Variants in SLCO5A1 observed in about 807,000 individuals in gnomAD.
SLCO5A1 encodes solute carrier organic anion transporter family member 5A1.
In SLCO5A1, 39 loss-of-function variants were observed where a neutral mutation model predicts 65.1. That is an observed-to-expected ratio of 0.60 (90% CI 0.46 to 0.78). The LOEUF is 0.78. SLCO5A1 is among the 30% of genes least tolerant of loss of function. The probability of loss-of-function intolerance (pLI) is 0.00; values close to 1 mark genes in which losing one functional copy is unlikely to be tolerated. For missense variants in SLCO5A1, 1,029 were observed against 1,069.4 expected (o/e 0.96, Z 0.53); for synonymous variants, 438 against 415.7 (o/e 1.05, Z -0.65).
At position 69,776,981 on chromosome 8, in the gene SLCO5A1, C is replaced by T. The variant is rs1395413131; in HGVS notation, c.908-15106G>A. Among the ~76,000 whole-genome samples, 4 of 152,296 alleles carry T rather than the reference C, an allele frequency of 2.6e-5. 1 individual carries two copies. The highest frequency in any genetic ancestry group is 9.6e-5 in the African/African-American group (4 of 41,566). ...TAGTGGGAATGTAAAATTGGTACAA[C>T]CACTTTGGAGAACATTTCAGTAGTG... On this transcript the variant is annotated intron_variant, in intron 2 of 9. Coordinates refer to ENST00000260126, the MANE Select transcript of SLCO5A1 (RefSeq NM_030958.3).
chr8:69,801,367 G>T (rs1819728596), intron 2 of SLCO5A1, among the ~76,000 whole-genome samples: 1 of 152,144 alleles, frequency 6.6e-6, no homozygotes, highest in African/African-American at 2.4e-5. Context: ...TAAAATCCAA[G>T]AGTCTTTTTT....
chr8:69,729,482 A>G (rs890217688), intron 5 of SLCO5A1, among the ~76,000 whole-genome samples: 8 of 148,692 alleles, frequency 5.4e-5, no homozygotes, highest in African/African-American at 2.0e-4. Context: ...AGATAACTGC[A>G]ATGGAGTAAA....
chr8:69,802,494 A>G (rs1267924241), intron 2 of SLCO5A1, among the ~76,000 whole-genome samples: 2 of 150,632 alleles, frequency 1.3e-5, no homozygotes, highest in Non-Finnish European at 3.0e-5. Context: ...TGAGCAACAG[A>G]GCAAGACCCT....
intron 4 of SLCO5A1, among the ~76,000 whole-genome samples, chr8:69,742,921 C>G (rs1200627161): frequency 6.6e-6 from 1 of 151,392 alleles, no homozygotes. Context: ...CTGCCTCAGC[C>G]TCCCAAGTAG....
At chr8:69,732,045 T>G (rs941653921) in intron 5 of SLCO5A1, among the ~76,000 whole-genome samples, 1 of 152,228 alleles carries the variant, frequency 6.6e-6, no homozygotes, top group African/African-American at 2.4e-5. Flanking sequence ...GTTGATGCCC[T>G]TAGAAGAATG....
intron 6 of SLCO5A1, among the ~76,000 whole-genome samples, chr8:69,684,841 A>G (rs1180291958): frequency 6.6e-6 from 1 of 152,152 alleles, no homozygotes; most frequent in African/African-American, 2.4e-5. Flanking sequence ...TTTTGCCTGC[A>G]TCACTACAAT....
intron 2 of SLCO5A1, among the ~76,000 whole-genome samples, chr8:69,776,211 T>A (rs1317415871): frequency 6.6e-6 from 1 of 152,198 alleles, no homozygotes; most frequent in African/African-American, 2.4e-5. Context: ...CATTTATCAC[T>A]ATATTATGTA....
intron 5 of SLCO5A1, among the ~76,000 whole-genome samples, chr8:69,723,490 A>G (rs1226308609): frequency 2.0e-5 from 3 of 151,954 alleles, no homozygotes; most frequent in Admixed American, 6.6e-5. Context: ...GGCTCAAGCC[A>G]TACTCCAGTC....
At chr8:69,821,955 A>G (rs6999934) in intron 2 of SLCO5A1, among the ~76,000 whole-genome samples, 83,497 of 151,846 alleles carry the variant, frequency 0.55, 23,517 homozygotes, top group African/African-American at 0.68. Context: ...GGCAAACCCC[A>G]TCTCTACTAC....
intron 9 of SLCO5A1, among the ~76,000 whole-genome samples, chr8:69,674,781 G>A (rs915806189): frequency 6.6e-6 from 1 of 151,480 alleles, no homozygotes. Flanking sequence ...AGAACTTTGG[G>A]AGGCCAAAGC....
In SLCO5A1 at chr8:69,689,370, T is replaced by C. The variant is rs1173452362; in HGVS notation, c.1623-7027A>G. Among the ~76,000 whole-genome samples, 3 of 100,520 alleles carry C rather than the reference T, an allele frequency of 3.0e-5. 1 individual carries two copies. The highest frequency in any genetic ancestry group is 1.8e-4 in the Admixed American group (2 of 11,316). The allele number at this position is 100,520 out of a possible 152,430, so 65.9% of individuals were successfully genotyped here. On this transcript the variant is annotated intron_variant, in intron 6 of 9. Transcript: ENST00000260126. ...AGATCCCATTTGTCAATTTTGGCTT[T>C]TGTTGCCATTGCTTTTGGTGTTTTA... is the stretch of plus-strand genomic sequence containing the variant.
rs1409616553 is a variant in SLCO5A1, at chr8:69,790,282, T to C, written c.908-28407A>G. On this transcript the variant is annotated intron_variant, in intron 2 of 9. Coordinates refer to ENST00000260126, the MANE Select transcript of SLCO5A1 (RefSeq NM_030958.3). ...GGGATGTATACCCCATTCTCCATGA[T>C]GTGCTTATTTCACACTGCATGCCTG... is the stretch of plus-strand genomic sequence containing the variant. Among the ~76,000 whole-genome samples, 8 of 151,942 alleles carry C rather than the reference T, an allele frequency of 5.3e-5. No individual in the cohort carries two copies. In the East Asian group the frequency reaches 1.5e-3, roughly 29 times the overall value.
intron 2 of SLCO5A1, among the ~76,000 whole-genome samples, chr8:69,797,737 G>A (rs373817349): frequency 4.5e-4 from 69 of 152,266 alleles, no homozygotes; most frequent in African/African-American, 1.6e-3. Flanking sequence ...ATAAATTTTG[G>A]TCAGACTGGT....
intron 8 of SLCO5A1, among the ~76,000 whole-genome samples, chr8:69,677,935 C>G (rs1303707238): frequency 6.6e-6 from 1 of 152,124 alleles, no homozygotes; most frequent in Non-Finnish European, 1.5e-5. Flanking sequence ...CTTCCCTGCA[C>G]TGCACCCCCT....
intron 6 of SLCO5A1, among the ~76,000 whole-genome samples, chr8:69,684,830 G>GT (rs1368031762): frequency 6.6e-6 from 1 of 151,984 alleles, no homozygotes; most frequent in Non-Finnish European, 1.5e-5. Context: ...CAATTTTGAG[G>GT]TTTTGCCTGC....
intron 4 of SLCO5A1, among the ~76,000 whole-genome samples, chr8:69,746,519 G>A (rs887246262): frequency 3.7e-4 from 57 of 152,168 alleles, no homozygotes; most frequent in African/African-American, 1.3e-3. Context: ...TAAAAGATGG[G>A]GATTTTTATT....
At chr8:69,776,381 G>A (rs1427212786) in intron 2 of SLCO5A1, among the ~76,000 whole-genome samples, 3 of 152,128 alleles carry the variant, frequency 2.0e-5, no homozygotes, top group Non-Finnish European at 4.4e-5. Flanking sequence ...TTTTAATAAT[G>A]TGGTCACGAT....
intron 2 of SLCO5A1, among the ~76,000 whole-genome samples, chr8:69,809,317 T>C (rs1279718483): frequency 6.6e-6 from 1 of 152,212 alleles, no homozygotes. Flanking sequence ...TCAACATGTA[T>C]TTTTAGCCTA....
Position 69,767,652 on chromosome 8 carries a change from G to A in SLCO5A1, c.908-5777C>T, listed in dbSNP as rs189151463. On this transcript the variant is annotated intron_variant, in intron 2 of 9. Transcript: ENST00000260126. ...CATGCCTGTAATCCCAGCATTTTGG[G>A]AGGCCAAGGCAGGCAGATCATGAGG... 2.3e-3 allele frequency among the ~76,000 whole-genome samples: 343 copies of A among 152,162 alleles called. 1 individual carries two copies. Among genetic ancestry groups the A allele is most frequent in the African/African-American group, 7.8e-3 (325 of 41,526 alleles).
Sources: gnomAD v4.1 joint callset for allele counts (sites outside exome capture counted in the v4.1 genomes callset) on GRCh38, gnomAD v4.1.1 for gene constraint, MANE v1.5 for transcripts, NCBI Gene and HGNC (gene_info 2026-07-23, HGNC 2026-07-21) for gene names.